TUB: variants seen among roughly 807,000 people sequenced by gnomAD.
TUB encodes TUB bipartite transcription factor.
Under a neutral mutation model 59.7 loss-of-function variants are expected in TUB, and 33 were observed. That is an observed-to-expected ratio of 0.55 (90% CI 0.42 to 0.74). The LOEUF is 0.74. TUB is among the 30% of genes least tolerant of loss of function. The pLI, the probability that TUB is intolerant of heterozygous loss-of-function variation, is 0.00. For missense variants in TUB, 659 were observed against 672.0 expected (o/e 0.98, Z 0.21); for synonymous variants, 293 against 256.4 (o/e 1.14, Z -1.36).
chr11:8,089,459 A>T, intron 1 of TUB, 151 bp from the exon 2 acceptor site: 2 of 924,554 alleles, frequency 2.2e-6, no homozygotes, highest in Non-Finnish European at 3.4e-6. Context: ...GGCAGGCTCC[A>T]CCCTTCCTCC....
Position 8,059,613 on chromosome 11 carries a change from G to A in TUB, c.203+19921G>A, listed in dbSNP as rs567364398. 1.5e-3 allele frequency among the ~76,000 whole-genome samples: 236 copies of A among 152,280 alleles called. 1 individual carries two copies. Among genetic ancestry groups the A allele is most frequent in the African/African-American group, 5.6e-3 (232 of 41,552 alleles). On this transcript the variant is annotated intron_variant, in intron 2 of 12. Transcript: ENST00000305253. Reference sequence around the variant, plus strand: ...GTGTGCTGAGGCAGGAGATGAGAAAGAAGTTCTGCGGGGAGATCTGCCGGG... The same window carrying A: ...GTGTGCTGAGGCAGGAGATGAGAAAAAAGTTCTGCGGGGAGATCTGCCGGG...
chr11:8,032,985 G>A (rs1015385555), intron 1 of TUB, among the ~76,000 whole-genome samples: 23 of 152,158 alleles, frequency 1.5e-4, no homozygotes, highest in Non-Finnish European at 2.8e-4. Context: ...TTCTGGGCAT[G>A]GGCTTTCTGT....
At chr11:8,039,568 T>C in intron 1 of TUB, 1 of 1,302,670 alleles carries the variant, frequency 7.7e-7, no homozygotes, top group Non-Finnish European at 1.0e-6. Context: ...AGTGACCAGG[T>C]GTGGCCAGGC....
At chr11:8,045,516 T>G (rs978774577) in intron 2 of TUB, among the ~76,000 whole-genome samples, 3 of 152,216 alleles carry the variant, frequency 2.0e-5, no homozygotes, top group Non-Finnish European at 2.9e-5. Context: ...ACAATTAAGT[T>G]ACAGGTTGAG....
At position 8,104,870 on chromosome 11, in the gene TUB, C is replaced by T. The variant is rs1297880281; in HGVS notation, c.*3251C>T. 1 of 150,992 alleles carries T rather than the reference C, an allele frequency of 6.6e-6. No homozygotes were observed. The highest frequency in any genetic ancestry group is 1.5e-5 in the Non-Finnish European group (1 of 67,848). 9.4% of individuals were successfully genotyped at this position (150,992 alleles called of 1,614,324 possible). A position where few individuals can be genotyped will look rare whatever the true frequency, so the allele number is the denominator to read the frequency against. On this transcript the variant is annotated 3_prime_UTR_variant, in exon 12 of 12. Transcript: ENST00000299506. ...GTGATAATCAGAAGCTATAAGAGAA[C>T]TTTCGGAGCCTGCCTCCTTCAGTGA...
chr11:8,057,645 C>A (rs1027361542), intron 2 of TUB, among the ~76,000 whole-genome samples: 3 of 152,004 alleles, frequency 2.0e-5, no homozygotes, highest in African/African-American at 7.2e-5. Flanking sequence ...TTGTCCCCTG[C>A]GAAGTCACGG....
chr11:8,078,798 C>T (rs1240243533), upstream of TUB, among the ~76,000 whole-genome samples: 2 of 152,086 alleles, frequency 1.3e-5, no homozygotes, highest in Non-Finnish European at 2.9e-5. Flanking sequence ...CATACACTGG[C>T]ACACAGTCCC....
upstream of TUB, chr11:8,076,837 T>C (rs1350104971): frequency 6.6e-6 from 1 of 152,380 alleles, no homozygotes; most frequent in East Asian, 1.9e-4. Context: ...AATGATTTGC[T>C]ATTATTTTCA....
In TUB at chr11:8,039,115, A is replaced by G. The variant is rs551496151; in HGVS notation, c.155+87A>G. 3.3e-6 allele frequency: 5 copies of G among 1,504,708 alleles called. No homozygotes were observed. The Admixed American group carries it at 1.1e-4, about 32-fold the overall frequency. 93.2% of individuals were successfully genotyped at this position (1,504,708 alleles called of 1,614,324 possible). A position where few individuals can be genotyped will look rare whatever the true frequency, so the allele number is the denominator to read the frequency against. On this transcript the variant is annotated intron_variant, in intron 1 of 12. Coordinates refer to the TUB transcript ENST00000305253. ...CCACCCTCACTGACCTCAACCCTTTACAGTCCCAAGGCCTCCCCTTCCTGA... is the reference window on the plus strand; with the variant it reads ...CCACCCTCACTGACCTCAACCCTTTGCAGTCCCAAGGCCTCCCCTTCCTGA...
chr11:8,019,811 G>A (rs1320593100), intron 1 of TUB, among the ~76,000 whole-genome samples: 4 of 151,940 alleles, frequency 2.6e-5, no homozygotes, highest in Non-Finnish European at 5.9e-5. Context: ...CAGGGACCGA[G>A]GCTGGCCCCG....
intron 2 of TUB, among the ~76,000 whole-genome samples, chr11:8,065,021 G>A (rs1015273644): frequency 6.6e-6 from 1 of 152,228 alleles, no homozygotes; most frequent in African/African-American, 2.4e-5. Flanking sequence ...AGGATGCTAG[G>A]GGATGAGAGG....
At chr11:8,049,578 T>TATATATATATAGATAGATAGATAG (rs1055522231) in intron 2 of TUB, among the ~76,000 whole-genome samples, 26 of 85,922 alleles carry the variant, frequency 3.0e-4, no homozygotes, top group South Asian at 1.2e-3. Context: ...TATATATATA[T>TATATATATATAGATAGATAGATAG]ATAGATAGAT....
At chr11:8,042,046 G>A (rs1335741948) in intron 2 of TUB, among the ~76,000 whole-genome samples, 1 of 152,094 alleles carries the variant, frequency 6.6e-6, no homozygotes. Flanking sequence ...ATGGTTTTAA[G>A]TTGTATGACC....
At chr11:8,049,141 G>A (rs559727150) in intron 2 of TUB, among the ~76,000 whole-genome samples, 1 of 152,278 alleles carries the variant, frequency 6.6e-6, no homozygotes, top group African/African-American at 2.4e-5. Context: ...GGGCTACCTT[G>A]TGCTTTCCAA....
intron 2 of TUB, among the ~76,000 whole-genome samples, chr11:8,061,051 G>T (rs969228399): frequency 6.6e-6 from 1 of 152,222 alleles, no homozygotes; most frequent in South Asian, 2.1e-4. Context: ...GTGCCCCATG[G>T]TGGGGCCTGT....
chr11:8,044,689 A>T (rs899767248), intron 2 of TUB, among the ~76,000 whole-genome samples: 2 of 152,254 alleles, frequency 1.3e-5, no homozygotes, highest in Non-Finnish European at 1.5e-5. Flanking sequence ...TTAAGGGCTC[A>T]GTCCCGCAAG....
intron 2 of TUB, among the ~76,000 whole-genome samples, chr11:8,065,060 C>T (rs1481156506): frequency 6.6e-6 from 1 of 152,212 alleles, no homozygotes; most frequent in Non-Finnish European, 1.5e-5. Flanking sequence ...ATATAGGTAG[C>T]AAGGCCCAGC....
At chr11:8,078,043 A>C (rs112987506), upstream of TUB, among the ~76,000 whole-genome samples, 700 of 152,202 alleles carry the variant, frequency 4.6e-3, 3 homozygotes, top group African/African-American at 0.016. Context: ...TAAAAATGTC[A>C]CCTTAAGTAT....
chr11:8,104,136 C>G lies in TUB; in HGVS notation c.*2517C>G, dbSNP rs551913224. 9 of 152,412 alleles carry G rather than the reference C, an allele frequency of 5.9e-5. No individual in the cohort carries two copies. The highest frequency in any genetic ancestry group is 4.6e-4 in the Admixed American group (7 of 15,312). The allele number at this position is 152,412 out of a possible 1,614,324, so 9.4% of individuals were successfully genotyped here. ...AAGCTGCTAGGGCCCCTAGAAACCA[C>G]CTGGGTTCAGCCTCTCCCACAATAA... On this transcript the variant is annotated 3_prime_UTR_variant, in exon 12 of 12. Transcript: ENST00000299506.
Sources: gnomAD v4.1 joint callset for allele counts (sites outside exome capture counted in the v4.1 genomes callset) on GRCh38, gnomAD v4.1.1 for gene constraint, MANE v1.5 for transcripts, NCBI Gene and HGNC (gene_info 2026-07-23, HGNC 2026-07-21) for gene names.